The following WFDC8 variants were observed in gnomAD, a reference collection of about 807,000 sequenced individuals.
The protein encoded by WFDC8 is WAP four-disulfide core domain 8, also known as WAP four-disulfide core domain protein 8.
In WFDC8, 24 loss-of-function variants were observed where a neutral mutation model predicts 27.0. That is an observed-to-expected ratio of 0.89 (90% confidence interval 0.64 to 1.25). The LOEUF (loss-of-function observed/expected upper bound fraction) is 1.25, where lower values mean the gene tolerates loss of function less well. Ranked by LOEUF, WFDC8 falls within the 50% of genes most tolerant of loss-of-function variation. WFDC8 has a pLI of 0.00. For missense variants in WFDC8, 287 were observed against 295.9 expected (o/e 0.97, Z 0.22); for synonymous variants, 106 against 99.7 (o/e 1.06, Z -0.38).
intron 3 of WFDC8, among the ~76,000 whole-genome samples, chr20:45,558,413 ATGAG>A (rs1167769199): frequency 2.6e-5 from 4 of 152,234 alleles, no homozygotes; most frequent in African/African-American, 9.6e-5. Context: ...GAATAAATGT[ATGAG>A]TGAGTGAATA....
chr20:45,568,781 A>G (rs944897916), intron 1 of WFDC8: 3 of 447,978 alleles, frequency 6.7e-6, no homozygotes, highest in African/African-American at 2.0e-5. Flanking sequence ...GATAATTACA[A>G]AACAACATGT....
chr20:45,567,651 C>T (rs1980726175), intron 1 of WFDC8, among the ~76,000 whole-genome samples: 1 of 152,164 alleles, frequency 6.6e-6, no homozygotes, highest in Non-Finnish European at 1.5e-5. Flanking sequence ...AGGAACCAGA[C>T]TTCTAAAGCC....
At chr20:45,562,765 T>G (rs1185663436) in intron 1 of WFDC8, among the ~76,000 whole-genome samples, 1 of 152,212 alleles carries the variant, frequency 6.6e-6, no homozygotes, top group Non-Finnish European at 1.5e-5. Context: ...TAGGATCTTA[T>G]GATACTCCCA....
chr20:45,558,904 G>T lies in WFDC8; in HGVS notation c.225C>A (p.Tyr75Ter). Residue 75 changes from tyrosine (Y) to a stop codon, truncating the protein, a stop_gained, in exon 3 of 6, where the codon TAC (tyrosine) becomes TAA (stop). Transcript: ENST00000289953. LOFTEE classifies it high-confidence loss of function. ...GACAGGCAAAAAAGCAGCACTTCTG[G>T]TATTCCTTGCAGTCAAAATCTGTGT... ...SCNTDFDCKE[Y>*]QKCCFFACQK... 1 of 1,614,168 alleles carries T rather than the reference G, an allele frequency of 6.2e-7. No homozygotes were observed. The highest frequency in any genetic ancestry group is 8.5e-7 in the Non-Finnish European group (1 of 1,180,012).
chr20:45,573,983 T>C (rs1442652178), intron 1 of WFDC8, among the ~76,000 whole-genome samples: 1 of 152,200 alleles, frequency 6.6e-6, no homozygotes, highest in Non-Finnish European at 1.5e-5. Context: ...TTGCTCAAGG[T>C]TGCTTGAGAT....
chr20:45,555,698 C>T lies in WFDC8; in HGVS notation c.445+3G>A. On this transcript the variant is annotated splice_donor_region_variant and intron_variant, in intron 4 of 5. Coordinates refer to ENST00000289953, the MANE Select transcript of WFDC8 (RefSeq NM_130896.3). ...CCTCAGATTTCCAGGATAGAGGTCTCACCAATTAACATGCAGGCCGTTCTG... is the reference window on the plus strand; with the variant it reads ...CCTCAGATTTCCAGGATAGAGGTCTTACCAATTAACATGCAGGCCGTTCTG... 1 of 1,612,232 alleles carries T rather than the reference C, an allele frequency of 6.2e-7. No individual in the cohort carries two copies. The highest frequency in any genetic ancestry group is 1.1e-5 in the South Asian group (1 of 90,976).
rs776076257 is a variant in WFDC8, at chr20:45,552,021, A to G, written c.*5T>C. The G allele has an allele frequency of 2.5e-6, 4 of 1,612,960 alleles. No individual in the cohort carries two copies. Among genetic ancestry groups the G allele is most frequent in the Admixed American group, 1.7e-5 (1 of 59,844 alleles). ...ATTTTGATGATAATATTTTCTACTT[A>G]CTATTCAACGTCTGGGGTCCATACA... On this transcript the variant is annotated 3_prime_UTR_variant, in exon 6 of 6. Coordinates refer to ENST00000289953, the MANE Select transcript of WFDC8 (RefSeq NM_130896.3).
chr20:45,553,399 C>T, intron 4 of WFDC8, 123 bp from the exon 5 acceptor site: 3 of 1,203,682 alleles, frequency 2.5e-6, no homozygotes, highest in Non-Finnish European at 3.4e-6. Context: ...CTACCCTATC[C>T]ATCTCCAGTA....
rs140215374 is a variant in WFDC8 at position 45,558,940 on chromosome 20, C to T, written c.189G>A (p.Pro63=). 4.4e-5 allele frequency: 71 copies of T among 1,614,160 alleles called. No homozygotes were observed. The East Asian group carries it at 8.5e-4, about 19-fold the overall frequency. Residue 63 remains proline, a synonymous_variant, in exon 3 of 6, where the codon CCG becomes CCA. Transcript: ENST00000289953. The part of the protein sequence containing the change: ...KERLTCTTEL[P]DSCNTDFDCK... ...AGTCAAAATCTGTGTTACATGAGTC[C>T]GGAAGTTCAGTGGTACAGGTGAGCC...
downstream of WFDC8, chr20:45,551,208 G>A (rs899978127): frequency 6.6e-6 from 1 of 152,164 alleles, no homozygotes; most frequent in Non-Finnish European, 1.5e-5. Flanking sequence ...AGAAAATTTA[G>A]TAATTTATTA....
intron 1 of WFDC8, chr20:45,568,549 G>T: frequency 2.2e-6 from 1 of 452,746 alleles, no homozygotes; most frequent in South Asian, 1.7e-5. Context: ...AAGTACTTGG[G>T]AGCTAATGCC....
intron 1 of WFDC8, among the ~76,000 whole-genome samples, chr20:45,565,166 A>G (rs1007259077): frequency 3.3e-5 from 5 of 151,882 alleles, no homozygotes; most frequent in Non-Finnish European, 1.5e-5. Context: ...GGAAGGAAGG[A>G]CACACACCAG....
chr20:45,554,421 C>T (rs1980165652), intron 4 of WFDC8, among the ~76,000 whole-genome samples: 1 of 152,094 alleles, frequency 6.6e-6, no homozygotes, highest in Non-Finnish European at 1.5e-5. Context: ...CAGATTAGGG[C>T]TGGAGACACA....
At chr20:45,552,865 G>A (rs183443821) in intron 5 of WFDC8, among the ~76,000 whole-genome samples, 6 of 152,324 alleles carry the variant, frequency 3.9e-5, no homozygotes, top group African/African-American at 1.4e-4. Flanking sequence ...CACCTTGCAA[G>A]TCATTGAGGA....
intron 1 of WFDC8, chr20:45,568,508 G>A: frequency 8.5e-6 from 3 of 353,666 alleles, no homozygotes; most frequent in South Asian, 7.6e-5. Context: ...ATTCTTGATA[G>A]AGACACACCT....
At position 45,572,128 on chromosome 20, in the gene WFDC8, C is replaced by T. The variant is rs943079818; in HGVS notation, c.26+7094G>A. 1.6e-4 allele frequency among the ~76,000 whole-genome samples: 25 copies of T among 152,094 alleles called. 1 individual carries two copies. Among genetic ancestry groups the T allele is most frequent in the Non-Finnish European group, 4.4e-5 (3 of 68,016 alleles). On this transcript the variant is annotated intron_variant, in intron 1 of 5. Coordinates refer to ENST00000289953, the MANE Select transcript of WFDC8 (RefSeq NM_130896.3). ...CAAGAATTCCCTTTTCAGCCAGGTG[C>T]AGTGGCTCACACCTGTAATCCCAGC...
chr20:45,559,586 T>C (rs1440262309), intron 2 of WFDC8, among the ~76,000 whole-genome samples: 2 of 152,246 alleles, frequency 1.3e-5, no homozygotes, highest in Admixed American at 6.5e-5. Flanking sequence ...GAGTTATATT[T>C]TCCATCTTTA....
intron 3 of WFDC8, among the ~76,000 whole-genome samples, chr20:45,556,270 C>G (rs967877443): frequency 6.6e-6 from 1 of 152,162 alleles, no homozygotes; most frequent in Non-Finnish European, 1.5e-5. Context: ...GTGGTTATAT[C>G]ATATATCATT....
intron 3 of WFDC8, among the ~76,000 whole-genome samples, chr20:45,557,508 T>C (rs6032314): frequency 0.38 from 58,292 of 152,044 alleles, 11,650 homozygotes; most frequent in Non-Finnish European, 0.43. Flanking sequence ...TCTCAGCTCA[T>C]TGCAACCTCT....
Sources: allele counts gnomAD v4.1 joint callset (sites outside exome capture counted in the v4.1 genomes callset), GRCh38; gene constraint gnomAD v4.1.1; transcripts MANE v1.5; gene names NCBI Gene and HGNC (gene_info 2026-07-23, HGNC 2026-07-21).